CCNJL: variants seen among roughly 807,000 people sequenced by gnomAD.
CCNJL encodes cyclin J like.
CCNJL carries 33 observed loss-of-function variants against 33.4 expected under a neutral mutation model. The ratio of observed to expected loss-of-function variants is 0.99; its 90% CI spans 0.75 to 1.32. CCNJL has a LOEUF of 1.32. Among genes scored for constraint, CCNJL ranks in the 40% most tolerant of loss-of-function variants. The pLI, the probability that CCNJL is intolerant of heterozygous loss-of-function variation, is 0.00. For missense variants in CCNJL, 512 were observed against 499.7 expected, an observed-to-expected ratio of 1.02 and a Z score of -0.23; for synonymous variants, 227 against 220.9, an observed-to-expected ratio of 1.03 and a Z score of -0.24.
intron 1 of CCNJL, among the ~76,000 whole-genome samples, chr5:160,320,969 T>C (rs1763444751): frequency 1.5e-5 from 2 of 132,898 alleles, no homozygotes; most frequent in African/African-American, 3.0e-5. Context: ...CCTCTCTGTC[T>C]CTCCCTCCCT....
At chr5:160,306,569 T>G (rs561400748) in intron 2 of CCNJL, among the ~76,000 whole-genome samples, 3 of 152,126 alleles carry the variant, frequency 2.0e-5, no homozygotes, top group African/African-American at 4.8e-5. Context: ...GGGAGGGAGA[T>G]TTTTTTCCCC....
At chr5:160,272,794 C>T (rs1580969649) in intron 3 of CCNJL, among the ~76,000 whole-genome samples, 2 of 152,258 alleles carry the variant, frequency 1.3e-5, no homozygotes, top group South Asian at 4.1e-4. Flanking sequence ...TCAAAATCTT[C>T]AGTGTTACCT....
At chr5:160,312,912 A>T (rs918619116), upstream of CCNJL, 3 of 147,108 alleles carry the variant, frequency 2.0e-5, no homozygotes, top group Admixed American at 6.8e-5. Context: ...CGTCGGTTCC[A>T]CCTGTTTTTC....
rs527554765 is a variant in CCNJL, at chr5:160,326,702, C to G, written n.207-11197G>C. On this transcript the variant is annotated intron_variant and non_coding_transcript_variant, in intron 1 of 7. Transcript: ENST00000377503. ...TTTGTGAAATTCCACCATGGCATAC[C>G]ATGGCCAGGGCCAGAAAGTGCAGAA... 392 of 915,542 alleles carry G rather than the reference C, an allele frequency of 4.3e-4. 2 individuals carry two copies. In the African/African-American group the frequency reaches 6.1e-3, roughly 14 times the overall value. The allele number at this position is 915,542 out of a possible 1,614,324, so 56.7% of individuals were successfully genotyped here. A position where few individuals can be genotyped will look rare whatever the true frequency, so the allele number is the denominator to read the frequency against.
chr5:160,249,364 G>C lies in CCNJL; in HGVS notation c.*4014C>G, dbSNP rs1279980236. On this transcript the variant is annotated 3_prime_UTR_variant, in exon 6 of 6. Transcript: ENST00000257536. ...TGACATGCTTAAATATTGGTATATT[G>C]AGTATTCTTTCATCAGCATCTCATA... 6 of 152,204 alleles carry C rather than the reference G, an allele frequency of 3.9e-5. No homozygotes were observed. Among genetic ancestry groups the C allele is most frequent in the Non-Finnish European group, 8.8e-5 (6 of 68,038 alleles). 9.4% of individuals were successfully genotyped at this position (152,204 alleles called of 1,614,324 possible). A position where few individuals can be genotyped will look rare whatever the true frequency, so the allele number is the denominator to read the frequency against.
rs375241736 is a variant in CCNJL, at chr5:160,253,609, G to A, written c.933C>T (p.Asp311=). The change falls in exon 6 of 6, where the codon GAC becomes GAT. Residue 311 remains aspartate (D), a synonymous_variant. Coordinates refer to ENST00000257536, the MANE Select transcript of CCNJL (RefSeq NM_001308173.3). ...PVQDLCLAYR[D]SLQAHRSGSL... is the part of the protein sequence containing the mutation. The stretch of plus-strand genomic sequence containing the variant: ...TCCCTGAACGGTGGGCCTGCAAGGA[G>A]TCCCGATAGGCCAAGCATAGGTCCT... The A allele has an allele frequency of 3.1e-6, 5 of 1,613,574 alleles. No homozygotes were observed. The highest frequency in any genetic ancestry group is 4.2e-6 in the Non-Finnish European group (5 of 1,179,844).
intron 3 of CCNJL, among the ~76,000 whole-genome samples, chr5:160,268,784 C>T (rs751399815): frequency 3.9e-5 from 6 of 152,230 alleles, no homozygotes. Context: ...GCCTCCAACA[C>T]CAGCCATTCC....
intron 3 of CCNJL, among the ~76,000 whole-genome samples, chr5:160,272,037 C>A (rs1761853825): frequency 1.3e-5 from 2 of 152,228 alleles, no homozygotes; most frequent in African/African-American, 4.8e-5. Flanking sequence ...GCCCCATTTG[C>A]AGCTGCTGCC....
chr5:160,264,016 G>A (rs1761463656), intron 3 of CCNJL, among the ~76,000 whole-genome samples: 2 of 150,444 alleles, frequency 1.3e-5, no homozygotes, highest in Admixed American at 6.6e-5. Flanking sequence ...CTCAATCTCG[G>A]CTCACCATAT....
chr5:160,255,307 T>G, intron 5 of CCNJL: 1 of 296,848 alleles, frequency 3.4e-6, no homozygotes, highest in Non-Finnish European at 6.2e-6. Context: ...AGCGAGACTC[T>G]GTCTCAAAAA....
chr5:160,292,021 C>T (rs530901320), intron 2 of CCNJL, among the ~76,000 whole-genome samples: 92 of 152,226 alleles, frequency 6.0e-4, no homozygotes, highest in African/African-American at 1.8e-3. Context: ...TCTGAATACG[C>T]GCTGCATTCA....
At position 160,279,643 on chromosome 5, in the gene CCNJL, T is replaced by C. The variant is rs557192339; in HGVS notation, c.280+882A>G. On this transcript the variant is annotated intron_variant, in intron 3 of 5. Coordinates refer to ENST00000257536, the MANE Select transcript of CCNJL (RefSeq NM_001308173.3). The stretch of plus-strand genomic sequence containing the variant: ...AGGGATCTAGAGCCTCGGTGATGTT[T>C]ACCCAGAACCAGGTGGGCAGCGGGA... Among the ~76,000 whole-genome samples, 273 of 152,232 alleles carry C rather than the reference T, an allele frequency of 1.8e-3. 1 individual carries two copies. The highest frequency in any genetic ancestry group is 6.4e-3 in the African/African-American group (264 of 41,568).
chr5:160,268,903 C>T (rs1362072885), intron 3 of CCNJL, among the ~76,000 whole-genome samples: 2 of 152,232 alleles, frequency 1.3e-5, no homozygotes, highest in Admixed American at 6.5e-5. Context: ...CTCTCTTCTT[C>T]TCCTTCCTCT....
chr5:160,259,781 A>G lies in CCNJL; in HGVS notation c.281-10T>C. On this transcript the variant is annotated splice_polypyrimidine_tract_variant and intron_variant, in intron 3 of 5. Transcript: ENST00000257536. ...CGATCCTCGAACTTACCTGTCGGGG[A>G]GCAGGGGAAGCAGGGGTTACTGGAA... 1 of 1,585,090 alleles carries G rather than the reference A, an allele frequency of 6.3e-7. No individual in the cohort carries two copies. The highest frequency in any genetic ancestry group is 8.6e-7 in the Non-Finnish European group (1 of 1,164,220).
At chr5:160,275,356 G>A (rs1160216266) in intron 3 of CCNJL, among the ~76,000 whole-genome samples, 2 of 152,156 alleles carry the variant, frequency 1.3e-5, no homozygotes, top group Non-Finnish European at 2.9e-5. Context: ...AAAGTGCTGG[G>A]GTAACAGGCT....
intron 3 of CCNJL, among the ~76,000 whole-genome samples, chr5:160,273,895 C>T (rs1247893024): frequency 6.6e-6 from 1 of 151,842 alleles, no homozygotes; most frequent in Non-Finnish European, 1.5e-5. Flanking sequence ...GTGATCCACC[C>T]ACCTCGGCCT....
At position 160,253,323 on chromosome 5, in the gene CCNJL, T is replaced by C. The variant is rs1760890334; in HGVS notation, c.*55A>G. ...CACTTGGCTGAGCTCTCCTCTTCAG[T>C]GTCCTCTTCCTCTGCCCACATCTCC... On this transcript the variant is annotated 3_prime_UTR_variant, in exon 6 of 6. Transcript: ENST00000257536. 5 of 1,505,348 alleles carry C rather than the reference T, an allele frequency of 3.3e-6. No homozygotes were observed. In the South Asian group the frequency reaches 4.0e-5, roughly 12 times the overall value. The allele number at this position is 1,505,348 out of a possible 1,614,324, so 93.2% of individuals were successfully genotyped here.
intron 4 of CCNJL, chr5:160,258,688 A>G (rs1188203674): frequency 7.5e-6 from 6 of 795,286 alleles, no homozygotes; most frequent in African/African-American, 3.4e-5. Context: ...CTTTAAATAA[A>G]TATCTATTGT....
Position 160,283,010 on chromosome 5 carries a change from CATATATATAT to C in CCNJL, c.67-2282_67-2273del, listed in dbSNP as rs1160073062. 5.5e-3 allele frequency among the ~76,000 whole-genome samples: 153 copies of C among 27,968 alleles called. 5 individuals are homozygous for C. The highest frequency in any genetic ancestry group is 0.025 in the African/African-American group (149 of 6,060). The allele number at this position is 27,968 out of a possible 152,430, so 18.3% of individuals were successfully genotyped here. A position where few individuals can be genotyped will look rare whatever the true frequency, so the allele number is the denominator to read the frequency against. On this transcript the variant is annotated intron_variant, in intron 2 of 5. Coordinates refer to ENST00000257536, the MANE Select transcript of CCNJL (RefSeq NM_001308173.3). The stretch of plus-strand genomic sequence containing the variant: ...ATATATATATATATATATATATATA[CATATATATAT>C]ATATATACCTAAGAGAAATGAAAAC...
Sources: gnomAD v4.1 joint callset for allele counts (sites outside exome capture counted in the v4.1 genomes callset) on GRCh38, gnomAD v4.1.1 for gene constraint, MANE v1.5 for transcripts, NCBI Gene and HGNC (gene_info 2026-07-23, HGNC 2026-07-21) for gene names.